CIT: variants seen among roughly 807,000 people sequenced by gnomAD.
CIT encodes the protein citron rho-interacting serine/threonine kinase, also known as citron Rho-interacting kinase.
In CIT, 79 loss-of-function variants were observed where a neutral mutation model predicts 272.7. The observed-to-expected ratio is 0.29, with a 90% CI of 0.24 to 0.35. The LOEUF (loss-of-function observed/expected upper bound fraction) is 0.35. Among genes scored for constraint, CIT ranks in the 10% least tolerant of loss-of-function variants. The pLI, the probability that CIT is intolerant of heterozygous loss-of-function variation, is 1.00. For missense variants in CIT, 1,909 were observed against 2,618.3 expected, an observed-to-expected ratio of 0.73 and a Z score of 5.91; for synonymous variants, 948 against 995.6, an observed-to-expected ratio of 0.95 and a Z score of 0.90.
At chr12:119,708,426 G>T in intron 39 of CIT, 108 bp from the exon 40 acceptor site, 1 of 1,113,780 alleles carries the variant, frequency 9.0e-7, no homozygotes, top group Non-Finnish European at 1.2e-6. Context: ...AGGCCACACA[G>T]ATGATCTGAG....
At chr12:119,797,565 C>T (rs1965837228) in intron 10 of CIT, among the ~76,000 whole-genome samples, 1 of 152,160 alleles carries the variant, frequency 6.6e-6, no homozygotes, top group Non-Finnish European at 1.5e-5. Context: ...GGTTTTTGAA[C>T]TTGTCTGGGA....
chr12:119,863,511 A>C (rs1282055382), intron 3 of CIT, among the ~76,000 whole-genome samples: 1 of 150,852 alleles, frequency 6.6e-6, no homozygotes, highest in Non-Finnish European at 1.5e-5. Flanking sequence ...ACCTAAAATA[A>C]AAGTTTTTTT....
Position 119,770,177 on chromosome 12 carries a change from T to A in CIT, c.2208+608A>T, listed in dbSNP as rs754790313. On this transcript the variant is annotated intron_variant, in intron 18 of 47. Transcript: ENST00000392521. This position sits in a 1 kb window ranked among gnomAD's most constrained non-coding sequence, Gnocchi z 4.4. ...ACCACCCGAACCTTCCTTGATCAAG[T>A]TAATTTGGTGATCAGAGCCTGAGAC... 1.3e-5 allele frequency among the ~76,000 whole-genome samples: 2 copies of A among 152,014 alleles called. No homozygotes were observed. The highest frequency in any genetic ancestry group is 2.4e-5 in the African/African-American group (1 of 41,384).
At chr12:119,724,207 T>G (rs930627426) in intron 28 of CIT, among the ~76,000 whole-genome samples, 11 of 152,084 alleles carry the variant, frequency 7.2e-5, no homozygotes, top group Non-Finnish European at 1.6e-4. Flanking sequence ...ATAATAAAAC[T>G]AGTTATCTCC....
intron 9 of CIT, among the ~76,000 whole-genome samples, chr12:119,815,237 T>TA (rs60997159): frequency 0.014 from 1,848 of 135,550 alleles, 31 homozygotes; most frequent in African/African-American, 0.039. Flanking sequence ...TGGCCTTGTT[T>TA]AAAAAAAAAA....
chr12:119,858,558 C>T (rs967077965), intron 3 of CIT, among the ~76,000 whole-genome samples: 6 of 151,764 alleles, frequency 4.0e-5, no homozygotes, highest in African/African-American at 1.2e-4. Context: ...CAGTGGCTCA[C>T]GCCTGTAATC....
chr12:119,824,802 T>C (rs1968030648), intron 8 of CIT, among the ~76,000 whole-genome samples: 1 of 152,190 alleles, frequency 6.6e-6, no homozygotes, highest in African/African-American at 2.4e-5. Flanking sequence ...TGTTTTGTTT[T>C]GTTTTGTTTT....
rs1029538101 is a variant in CIT, at chr12:119,764,647, C to G, written c.2304+2440G>C. Among the ~76,000 whole-genome samples the G allele has an allele frequency of 2.0e-5, 3 of 150,486 alleles. No homozygotes were observed. The South Asian group carries it at 6.3e-4, about 32-fold the overall frequency. ...AAGAAAGAAAGAAAAGAAAAAACCT[C>G]AATGGAACAGCAGATTAGACACAGC... On this transcript the variant is annotated intron_variant, in intron 19 of 47. Coordinates refer to ENST00000392521, the MANE Select transcript of CIT (RefSeq NM_001206999.2).
In CIT at chr12:119,770,261, A is replaced by T. The variant is rs546105689; in HGVS notation, c.2208+524T>A. On this transcript the variant is annotated intron_variant, in intron 18 of 47. Coordinates refer to ENST00000392521, the MANE Select transcript of CIT (RefSeq NM_001206999.2). The surrounding 1 kb of genome is among the most constrained non-coding windows in gnomAD (Gnocchi z 4.4). ...CCTGCTATATCTAAGGAAATTGAAA[A>T]AATAATAATAATAATAACCAACTGT... 1.9e-4 allele frequency among the ~76,000 whole-genome samples: 29 copies of T among 152,124 alleles called. No homozygotes were observed. The highest frequency in any genetic ancestry group is 2.0e-4 in the Admixed American group (3 of 15,264).
chr12:119,777,792 C>G (rs770009359), intron 13 of CIT, among the ~76,000 whole-genome samples: 2 of 151,946 alleles, frequency 1.3e-5, no homozygotes, highest in Admixed American at 1.3e-4. Flanking sequence ...AGGCCTAACA[C>G]AGGAGAGCCA....
At chr12:119,864,196 T>C (rs1950450607) in intron 3 of CIT, among the ~76,000 whole-genome samples, 1 of 152,242 alleles carries the variant, frequency 6.6e-6, no homozygotes, top group Admixed American at 6.5e-5. Context: ...TTGAAGATCT[T>C]ATCTATAGTG....
chr12:119,828,250 G>C (rs1968327398), intron 7 of CIT, among the ~76,000 whole-genome samples: 1 of 152,198 alleles, frequency 6.6e-6, no homozygotes, highest in Admixed American at 6.5e-5. Flanking sequence ...CCTCTTAAGT[G>C]CATAATAGTG....
At chr12:119,733,409 C>T (rs1045648160) in intron 26 of CIT, among the ~76,000 whole-genome samples, 1 of 149,686 alleles carries the variant, frequency 6.7e-6, no homozygotes, top group South Asian at 2.1e-4. Context: ...TGGTGCACAC[C>T]TGTATTCCCA....
chr12:119,831,565 G>A (rs1968633378), intron 7 of CIT, among the ~76,000 whole-genome samples: 1 of 152,098 alleles, frequency 6.6e-6, no homozygotes, highest in Non-Finnish European at 1.5e-5. Flanking sequence ...CCACTTTTCT[G>A]GAAGCAGTTT....
chr12:119,701,839 G>A lies in CIT; in HGVS notation c.5413+11C>T, dbSNP rs777996947. On this transcript the variant is annotated intron_variant, in intron 42 of 47. Transcript: ENST00000392521. Reference sequence around the variant, plus strand: ...GCCATGGGTGGGTGCGAAAGTGGAGGTGGGTCCTACCCTCGAGCGTGTACT... The same window carrying A: ...GCCATGGGTGGGTGCGAAAGTGGAGATGGGTCCTACCCTCGAGCGTGTACT... 14 of 1,613,870 alleles carry A rather than the reference G, an allele frequency of 8.7e-6. No individual in the cohort carries two copies. The highest frequency in any genetic ancestry group is 2.2e-5 in the South Asian group (2 of 91,090).
chr12:119,701,506 T>A (rs1956575450), intron 43 of CIT, 118 bp downstream of exon 43: 2 of 1,172,704 alleles, frequency 1.7e-6, no homozygotes, highest in Non-Finnish European at 2.4e-6. Context: ...AAGGACATTC[T>A]CTGTACCCCT....
chr12:119,804,350 G>A lies in CIT; in HGVS notation c.1112-961C>T. The stretch of plus-strand genomic sequence containing the variant: ...CATGGTTGCAAGCTGAGGCGTCCGT[G>A]GCGGGCCAGCCAGGCGAGTTAGAGC... On this transcript the variant is annotated intron_variant, in intron 9 of 47. Transcript: ENST00000392521. This position sits in a 1 kb window ranked among gnomAD's most constrained non-coding sequence, Gnocchi z 5.3. 1 of 985,610 alleles carries A rather than the reference G, an allele frequency of 1.0e-6. No individual in the cohort carries two copies. The highest frequency in any genetic ancestry group is 1.7e-5 in the African/African-American group (1 of 57,384). The allele number at this position is 985,610 out of a possible 1,614,324, so 61.1% of individuals were successfully genotyped here.
intron 4 of CIT, among the ~76,000 whole-genome samples, chr12:119,854,732 C>CTT (rs1970471010): frequency 6.8e-6 from 1 of 146,816 alleles, no homozygotes. Flanking sequence ...AGGCAGATCA[C>CTT]AAGGTCAGGA....
chr12:119,757,348 A>T, intron 22 of CIT, 23 bp downstream of exon 22: 1 of 1,612,556 alleles, frequency 6.2e-7, no homozygotes, highest in Non-Finnish European at 8.5e-7. Flanking sequence ...AAATCCTCCC[A>T]GGAGATGACT....
Sources: allele counts gnomAD v4.1 joint callset (sites outside exome capture counted in the v4.1 genomes callset), GRCh38; gene constraint gnomAD v4.1.1; non-coding constraint Gnocchi (gnomAD v3.1); transcripts MANE v1.5; gene names NCBI Gene and HGNC (gene_info 2026-07-23, HGNC 2026-07-21).